WARS2: variants seen among roughly 807,000 people sequenced by gnomAD.
The protein encoded by WARS2 is tryptophanyl tRNA synthetase 2, mitochondrial, also known as tryptophan--tRNA ligase, mitochondrial.
In WARS2, 28 loss-of-function variants were observed where a neutral mutation model predicts 36.5. That is an observed-to-expected ratio of 0.77 (90% CI 0.57 to 1.05). The LOEUF is 1.05. Among genes scored for constraint, WARS2 ranks in the 50% least tolerant of loss-of-function variants. The pLI, the probability that WARS2 is intolerant of heterozygous loss-of-function variation, is 0.00. For synonymous variants in WARS2, 174 were observed against 178.4 expected, an observed-to-expected ratio of 0.98 and a Z score of 0.20; for missense variants, 435 against 456.8, an observed-to-expected ratio of 0.95 and a Z score of 0.44.
At chr1:119,065,353 A>T (rs1650739898) in intron 2 of WARS2, among the ~76,000 whole-genome samples, 1 of 152,156 alleles carries the variant, frequency 6.6e-6, no homozygotes, top group South Asian at 2.1e-4. Context: ...TTTCCAAGAA[A>T]ATAAAATGGA....
intron 1 of WARS2, among the ~76,000 whole-genome samples, chr1:119,129,000 T>A (rs966092842): frequency 2.6e-5 from 4 of 152,212 alleles, no homozygotes; most frequent in African/African-American, 7.2e-5. Context: ...GTGCAGGAGA[T>A]GTCATGTGGA....
chr1:119,072,592 G>A (rs1651410232), intron 2 of WARS2, among the ~76,000 whole-genome samples: 1 of 151,660 alleles, frequency 6.6e-6, no homozygotes, highest in Non-Finnish European at 1.5e-5. Context: ...AAATCAAAAG[G>A]CATAAAAAAA....
At chr1:119,101,905 C>G (rs1419602587) in intron 1 of WARS2, among the ~76,000 whole-genome samples, 2 of 152,098 alleles carry the variant, frequency 1.3e-5, no homozygotes, top group Non-Finnish European at 2.9e-5. Flanking sequence ...TACCACTACC[C>G]TTTATCCTAA....
chr1:119,032,684 T>C lies in WARS2; in HGVS notation c.*227A>G. The C allele has an allele frequency of 1.8e-6, 1 of 548,334 alleles. No homozygotes were observed. Among genetic ancestry groups the C allele is most frequent in the South Asian group, 2.5e-5 (1 of 40,778 alleles). 34.0% of individuals were successfully genotyped at this position (548,334 alleles called of 1,614,324 possible). A position where few individuals can be genotyped will look rare whatever the true frequency, so the allele number is the denominator to read the frequency against. On this transcript the variant is annotated 3_prime_UTR_variant, in exon 6 of 6. Coordinates refer to ENST00000235521, the MANE Select transcript of WARS2 (RefSeq NM_015836.4). ...AATTGGGGATTCAGACAGCTATGCC[T>C]TCTTGATTTATTTTTTGTTGTTGTT...
intron 2 of WARS2, among the ~76,000 whole-genome samples, chr1:119,055,075 G>T (rs1571284614): frequency 1.3e-5 from 2 of 152,208 alleles, no homozygotes; most frequent in East Asian, 1.9e-4. Flanking sequence ...TTTTAAAAAG[G>T]TATATAAAAA....
intron 1 of WARS2, chr1:119,082,404 C>T: frequency 1.0e-6 from 1 of 985,366 alleles, no homozygotes; most frequent in East Asian, 1.1e-4. Context: ...TGAAATTTAG[C>T]TATCAGAAAC....
At chr1:119,047,096 A>G (rs545250165) in intron 2 of WARS2, among the ~76,000 whole-genome samples, 87 of 152,306 alleles carry the variant, frequency 5.7e-4, no homozygotes, top group African/African-American at 2.0e-3. Flanking sequence ...CAGGGCAGTG[A>G]CATTGACACA....
intron 1 of WARS2, among the ~76,000 whole-genome samples, chr1:119,137,585 G>T (rs1161844211): frequency 6.6e-6 from 1 of 152,160 alleles, no homozygotes; most frequent in Non-Finnish European, 1.5e-5. Context: ...AGTGCTTAAA[G>T]AAGTATGGAT....
intron 1 of WARS2, among the ~76,000 whole-genome samples, chr1:119,130,318 C>A (rs1656009615): frequency 1.3e-5 from 2 of 152,272 alleles, no homozygotes; most frequent in East Asian, 3.9e-4. Context: ...AAAATAAAAT[C>A]TTTTCATCTC....
In WARS2 at chr1:119,140,605, T is replaced by C; in HGVS notation, c.40A>G (p.Ser14Gly). The C allele has an allele frequency of 6.2e-7, 1 of 1,613,866 alleles. No homozygotes were observed. The highest frequency in any genetic ancestry group is 8.5e-7 in the Non-Finnish European group (1 of 1,179,836). The change falls in exon 1 of 6, where the codon AGC becomes GGC. Residue 14 changes from serine (S) to glycine (G), a missense_variant. By Grantham distance (56) the Ser-to-Gly change is moderately conservative. Transcript: ENST00000235521. Reference sequence around the variant, plus strand: ...CCCTTATGAAGTGCCCGGATGAAGCTCCAGCGCTCACGCGCTTTCCGCATT... The same window carrying C: ...CCCTTATGAAGTGCCCGGATGAAGCCCCAGCGCTCACGCGCTTTCCGCATT... The part of the protein sequence containing the change: ...HSMRKARERW[S>G]FIRALHKGSA...
chr1:119,065,981 C>A (rs1472333801), intron 2 of WARS2, among the ~76,000 whole-genome samples: 2 of 152,068 alleles, frequency 1.3e-5, no homozygotes, highest in African/African-American at 4.8e-5. Context: ...CTACATAACT[C>A]AGTCTTAAAT....
intron 2 of WARS2, among the ~76,000 whole-genome samples, chr1:119,048,662 A>T (rs1649062234): frequency 6.6e-6 from 1 of 152,164 alleles, no homozygotes; most frequent in Non-Finnish European, 1.5e-5. Flanking sequence ...CCACACGCGG[A>T]CATGTGCCCA....
intron 2 of WARS2, among the ~76,000 whole-genome samples, chr1:119,071,640 C>T (rs935693000): frequency 4.6e-5 from 7 of 152,022 alleles, no homozygotes; most frequent in African/African-American, 1.4e-4. Context: ...TCTAAAAAAT[C>T]GAGCTCATAG....
At chr1:119,044,974 T>G (rs1571265578) in intron 3 of WARS2, among the ~76,000 whole-genome samples, 1 of 152,172 alleles carries the variant, frequency 6.6e-6, no homozygotes, top group East Asian at 1.9e-4. Context: ...TGAAAATACC[T>G]CAAAAGAAGC....
intron 1 of WARS2, chr1:119,126,643 G>T (rs7556558): frequency 1.4e-6 from 1 of 707,134 alleles, no homozygotes. Context: ...TCACCACGAA[G>T]CTCCATAAGT....
At chr1:119,078,815 A>G (rs894771786) in intron 1 of WARS2, among the ~76,000 whole-genome samples, 2 of 152,102 alleles carry the variant, frequency 1.3e-5, no homozygotes, top group African/African-American at 4.8e-5. Context: ...ACTTAATTTT[A>G]TGAATCAGAT....
intron 1 of WARS2, among the ~76,000 whole-genome samples, chr1:119,130,358 T>C (rs767726565): frequency 2.0e-5 from 3 of 152,230 alleles, no homozygotes; most frequent in Non-Finnish European, 2.9e-5. Context: ...CTTTTCTATA[T>C]ACAGATGTAA....
rs564131282 is a variant in WARS2, at chr1:119,060,518, G to A, written c.349-14856C>T. Among the ~76,000 whole-genome samples, 6 of 152,314 alleles carry A rather than the reference G, an allele frequency of 3.9e-5. No individual in the cohort carries two copies. The South Asian group carries it at 1.2e-3, about 32-fold the overall frequency. On this transcript the variant is annotated intron_variant, in intron 2 of 5. Transcript: ENST00000235521. ...TATATACAGTCATACTGGGGGTTAA[G>A]GGAGCAACATATGAATTTTGAGGGA...
At chr1:119,067,687 T>C (rs1030567636) in intron 2 of WARS2, among the ~76,000 whole-genome samples, 1 of 152,208 alleles carries the variant, frequency 6.6e-6, no homozygotes, top group African/African-American at 2.4e-5. Context: ...ATTATCTTAT[T>C]TAAATTGCTA....
Sources: allele counts gnomAD v4.1 joint callset (sites outside exome capture counted in the v4.1 genomes callset), GRCh38; gene constraint gnomAD v4.1.1; transcripts MANE v1.5; gene names NCBI Gene and HGNC (gene_info 2026-07-23, HGNC 2026-07-21).